MAP3K5: variants seen among roughly 807,000 people sequenced by gnomAD.
MAP3K5 encodes the protein ASK-1.
Under a neutral mutation model 158.7 loss-of-function variants are expected in MAP3K5, and 56 were observed. That is an observed-to-expected ratio of 0.35 (90% CI 0.28 to 0.44). The LOEUF (loss-of-function observed/expected upper bound fraction) is 0.44, where lower values mean the gene tolerates loss of function less well. Among genes scored for constraint, MAP3K5 ranks in the 20% least tolerant of loss-of-function variants. The pLI, the probability that MAP3K5 is intolerant of heterozygous loss-of-function variation, is 1.00. For synonymous variants in MAP3K5, 579 were observed against 601.7 expected, an observed-to-expected ratio of 0.96 and a Z score of 0.55; for missense variants, 1,294 against 1,674.8, an observed-to-expected ratio of 0.77 and a Z score of 3.97.
chr6:136,775,638 C>G (rs1334867234), intron 1 of MAP3K5, among the ~76,000 whole-genome samples: 1 of 152,170 alleles, frequency 6.6e-6, no homozygotes. Context: ...ACAGAAAAAT[C>G]ATGATTGCTT....
At chr6:136,583,815 C>T (rs1774995612) in intron 23 of MAP3K5, 75 bp from the exon 24 acceptor site, 2 of 1,344,396 alleles carry the variant, frequency 1.5e-6, no homozygotes, top group Admixed American at 2.1e-5. Context: ...ATCTCCATAC[C>T]CCCTGCCCCC....
chr6:136,690,536 T>C (rs1780340674), intron 7 of MAP3K5, among the ~76,000 whole-genome samples: 1 of 152,174 alleles, frequency 6.6e-6, no homozygotes, highest in Non-Finnish European at 1.5e-5. Flanking sequence ...TTATAAATTT[T>C]GGTTAATCTG....
intron 25 of MAP3K5, among the ~76,000 whole-genome samples, chr6:136,575,966 C>T (rs1583207758): frequency 1.3e-5 from 2 of 152,304 alleles, no homozygotes; most frequent in Admixed American, 1.3e-4. Context: ...CCTACTTTAG[C>T]AGTCATTGAT....
intron 7 of MAP3K5, among the ~76,000 whole-genome samples, chr6:136,692,268 T>A (rs893641021): frequency 5.3e-5 from 8 of 152,102 alleles, no homozygotes; most frequent in Non-Finnish European, 1.0e-4. Flanking sequence ...GAGTTTGGAT[T>A]TGTTCTCCTC....
intron 1 of MAP3K5, among the ~76,000 whole-genome samples, chr6:136,745,678 C>A (rs1008473345): frequency 8.5e-5 from 13 of 152,264 alleles, no homozygotes; most frequent in African/African-American, 3.1e-4. Flanking sequence ...TGCAGGCATT[C>A]TGCATGTTTC....
At chr6:136,580,876 G>A (rs1331718277) in intron 24 of MAP3K5, among the ~76,000 whole-genome samples, 1 of 151,694 alleles carries the variant, frequency 6.6e-6, no homozygotes, top group Non-Finnish European at 1.5e-5. Context: ...GTGCAGTGGC[G>A]GGATCATGGC....
intron 13 of MAP3K5, among the ~76,000 whole-genome samples, chr6:136,638,125 A>C (rs920129403): frequency 1.3e-5 from 2 of 152,140 alleles, no homozygotes; most frequent in African/African-American, 4.8e-5. Context: ...AAAAATTCCC[A>C]AGCCTGATTG....
At chr6:136,691,938 T>C (rs1780405448) in intron 7 of MAP3K5, among the ~76,000 whole-genome samples, 1 of 152,166 alleles carries the variant, frequency 6.6e-6, no homozygotes, top group African/African-American at 2.4e-5. Flanking sequence ...TATTTTTATG[T>C]CCTTGTCTGG....
intron 1 of MAP3K5, among the ~76,000 whole-genome samples, chr6:136,791,483 G>C (rs1254570057): frequency 6.6e-6 from 1 of 152,096 alleles, no homozygotes; most frequent in Non-Finnish European, 1.5e-5. Context: ...GCTGGGCGGT[G>C]GGTGGATCCA....
intron 2 of MAP3K5, 94 bp from the exon 3 acceptor site, chr6:136,705,227 A>C: frequency 1.7e-6 from 1 of 598,246 alleles, no homozygotes; most frequent in South Asian, 2.1e-5. Flanking sequence ...TTGTATTAAC[A>C]ATGATATTAG....
chr6:136,590,699 C>A (rs1775346482), intron 23 of MAP3K5, among the ~76,000 whole-genome samples: 1 of 152,092 alleles, frequency 6.6e-6, no homozygotes, highest in Admixed American at 6.5e-5. Flanking sequence ...CGCCATCACG[C>A]CTGGCTAATT....
At chr6:136,570,584 T>A (rs1306172499) in intron 25 of MAP3K5, among the ~76,000 whole-genome samples, 3 of 152,184 alleles carry the variant, frequency 2.0e-5, no homozygotes, top group Non-Finnish European at 4.4e-5. Context: ...CAGAGTGTCC[T>A]TTTTCAAGGC....
At chr6:136,586,855 C>T (rs1775162773) in intron 23 of MAP3K5, among the ~76,000 whole-genome samples, 1 of 152,146 alleles carries the variant, frequency 6.6e-6, no homozygotes, top group Non-Finnish European at 1.5e-5. Flanking sequence ...CCTAGCTTCC[C>T]AGCCTACATC....
chr6:136,720,438 C>G lies in MAP3K5; in HGVS notation c.588+12G>C. On this transcript the variant is annotated intron_variant, in intron 2 of 29. Coordinates refer to ENST00000359015, the MANE Select transcript of MAP3K5 (RefSeq NM_005923.4). ...ATGTTAAAATGAAACATTCAGTAAA[C>G]AAGGGAGGTACCTTCAGTGACTGCA... 6.4e-7 allele frequency: 1 copy of G among 1,574,368 alleles called. No individual in the cohort carries two copies.
intron 1 of MAP3K5, among the ~76,000 whole-genome samples, chr6:136,767,372 G>A (rs1784008819): frequency 6.6e-6 from 1 of 151,728 alleles, no homozygotes; most frequent in Admixed American, 6.6e-5. Context: ...AAGGAGGAGG[G>A]AGGGGACTAA....
At chr6:136,746,783 G>C (rs761214322) in intron 1 of MAP3K5, among the ~76,000 whole-genome samples, 1 of 152,198 alleles carries the variant, frequency 6.6e-6, no homozygotes, top group Admixed American at 6.5e-5. Flanking sequence ...CAGTACCTCT[G>C]GTGGCCTTGG....
intron 6 of MAP3K5, among the ~76,000 whole-genome samples, chr6:136,695,535 C>T (rs1274183133): frequency 1.3e-5 from 2 of 152,170 alleles, no homozygotes; most frequent in African/African-American, 4.8e-5. Flanking sequence ...CCTTTTTATC[C>T]TTGGTAATAA....
chr6:136,653,026 A>G (rs1773303410), intron 10 of MAP3K5, among the ~76,000 whole-genome samples: 1 of 152,194 alleles, frequency 6.6e-6, no homozygotes, highest in Non-Finnish European at 1.5e-5. Context: ...ATTAACTGCT[A>G]ATTTCATGTA....
At chr6:136,711,848 A>G (rs1214987698) in intron 2 of MAP3K5, among the ~76,000 whole-genome samples, 2 of 152,168 alleles carry the variant, frequency 1.3e-5, no homozygotes, top group Non-Finnish European at 2.9e-5. Context: ...AATAAACCAA[A>G]GCAAACAACT....
Sources: gnomAD v4.1 joint callset for allele counts (sites outside exome capture counted in the v4.1 genomes callset) on GRCh38, gnomAD v4.1.1 for gene constraint, MANE v1.5 for transcripts, NCBI Gene and HGNC (gene_info 2026-07-23, HGNC 2026-07-21) for gene names.